The following OR6B1 variants were observed in gnomAD, a reference collection of about 807,000 sequenced individuals.
The protein encoded by OR6B1 is olfactory receptor family 6 subfamily B member 1.
A neutral mutation model predicts 15.4 loss-of-function variants in OR6B1; 15 were observed. That is an observed-to-expected ratio of 0.97 (90% CI 0.65 to 1.50). The LOEUF (loss-of-function observed/expected upper bound fraction) is 1.50, where lower values mean the gene tolerates loss of function less well. Ranked by LOEUF, OR6B1 falls within the 40% of genes most tolerant of loss-of-function variation. The probability of loss-of-function intolerance (pLI) is 0.00; values close to 1 mark genes in which losing one functional copy is unlikely to be tolerated. For synonymous variants in OR6B1, 139 were observed against 144.9 expected, an observed-to-expected ratio of 0.96 and a Z score of 0.29; for missense variants, 384 against 385.0, an observed-to-expected ratio of 1.00 and a Z score of 0.02.
Position 144,004,415 on chromosome 7 carries a change from T to C in OR6B1, c.419T>C (p.Leu140Pro). Residue 140 changes from leucine to proline, a missense_variant, in exon 2 of 2, where the codon CTC (leucine) becomes CCC (proline). Coordinates refer to ENST00000641698, the MANE Select transcript of OR6B1 (RefSeq NM_001005281.3). ...TACCCAACCATAATGAGCCATGGGC[T>C]CTGCTTCCGCCTCGCTCTTGGTTCC... ...LHYPTIMSHG[L>P]CFRLALGSWA... 1.2e-6 allele frequency: 2 copies of C among 1,614,232 alleles called. No individual in the cohort carries two copies. Among genetic ancestry groups the C allele is most frequent in the Non-Finnish European group, 1.7e-6 (2 of 1,180,050 alleles).
At chr7:144,001,937 T>C (rs2050587054) in intron 1 of OR6B1, among the ~76,000 whole-genome samples, 2 of 152,254 alleles carry the variant, frequency 1.3e-5, no homozygotes, top group South Asian at 4.1e-4. Flanking sequence ...GTTATGTGTG[T>C]CTGATTGAAT....
At chr7:144,001,502 C>T (rs1053104341) in intron 1 of OR6B1, among the ~76,000 whole-genome samples, 3 of 152,188 alleles carry the variant, frequency 2.0e-5, no homozygotes, top group Non-Finnish European at 2.9e-5. Flanking sequence ...TGCTTTCTAA[C>T]GGGTCTATGA....
chr7:144,004,946 A>T lies in OR6B1; in HGVS notation c.*14A>T, dbSNP rs1298400489. ...AGATCTGACTAGTCAATTACAGCTG[A>T]TTAGAAAGAAAGGTCTGAGTGGGTG... is the stretch of plus-strand genomic sequence containing the variant. On this transcript the variant is annotated 3_prime_UTR_variant, in exon 2 of 2. Transcript: ENST00000641698. 6.4e-7 allele frequency: 1 copy of T among 1,564,018 alleles called. No individual in the cohort carries two copies. Among genetic ancestry groups the T allele is most frequent in the African/African-American group, 1.4e-5 (1 of 73,480 alleles).
At position 144,005,502 on chromosome 7, in the gene OR6B1, A is replaced by G. The variant is rs2050618408; in HGVS notation, c.*570A>G. 1 of 152,272 alleles carries G rather than the reference A, an allele frequency of 6.6e-6. No individual in the cohort carries two copies. The highest frequency in any genetic ancestry group is 2.1e-4 in the South Asian group (1 of 4,828). The allele number at this position is 152,272 out of a possible 1,614,324, so 9.4% of individuals were successfully genotyped here. ...TCTGTAAGTGAATTGTACCTTACAC[A>G]ATTGTGTTTTGTCTTCTGATATAAC... On this transcript the variant is annotated 3_prime_UTR_variant, in exon 2 of 2. Transcript: ENST00000641698.
In OR6B1 at chr7:144,006,657, T is replaced by C. The variant is rs1389519884; in HGVS notation, c.*1725T>C. The C allele has an allele frequency of 6.6e-6, 1 of 152,202 alleles. No individual in the cohort carries two copies. The highest frequency in any genetic ancestry group is 1.5e-5 in the Non-Finnish European group (1 of 68,040). The allele number at this position is 152,202 out of a possible 1,614,324, so 9.4% of individuals were successfully genotyped here. A position where few individuals can be genotyped will look rare whatever the true frequency, so the allele number is the denominator to read the frequency against. The stretch of plus-strand genomic sequence containing the variant: ...GAATCAAAATATAATTGCATAGTCA[T>C]ATAGGGATATTAAATGTGTGCATTA... On this transcript the variant is annotated 3_prime_UTR_variant, in exon 2 of 2. Transcript: ENST00000641698.
intron 1 of OR6B1, among the ~76,000 whole-genome samples, chr7:144,001,041 G>A (rs538113590): frequency 1.3e-5 from 2 of 152,304 alleles, no homozygotes; most frequent in South Asian, 2.1e-4. Flanking sequence ...CTTGGCAGGG[G>A]CGGAGGTTAA....
intron 1 of OR6B1, among the ~76,000 whole-genome samples, chr7:144,000,978 C>A (rs969539624): frequency 6.6e-6 from 1 of 152,188 alleles, no homozygotes; most frequent in Non-Finnish European, 1.5e-5. Context: ...GCTGCAACCA[C>A]CACATCTTCC....
Position 144,004,894 on chromosome 7 carries a change from A to C in OR6B1, c.898A>C (p.Lys300Gln). ...AAACCGAGAGGTCAAGGAAGCTCTG[A>C]AGAAACTGGCATATTGCCAGGCCAG... ...LRNREVKEAL[K>Q]KLAYCQASRS... The change falls in exon 2 of 2, where the codon AAG becomes CAG. Residue 300 changes from lysine (K) to glutamine (Q), a missense_variant. By Grantham distance (53) the Lys-to-Gln change is moderately conservative. Coordinates refer to ENST00000641698, the MANE Select transcript of OR6B1 (RefSeq NM_001005281.3). 6.2e-7 allele frequency: 1 copy of C among 1,608,880 alleles called. No homozygotes were observed. The highest frequency in any genetic ancestry group is 8.5e-7 in the Non-Finnish European group (1 of 1,179,588).
In OR6B1 at chr7:144,004,156, C is replaced by T. The variant is rs923564337; in HGVS notation, c.160C>T (p.Pro54Ser). The T allele has an allele frequency of 8.7e-6, 14 of 1,614,174 alleles. No individual in the cohort carries two copies. Among genetic ancestry groups the T allele is most frequent in the Non-Finnish European group, 1.2e-5 (14 of 1,180,020 alleles). ...IIILLVLQNR[P>S]LHKPMYFFLA... ...CATCCTATTGGTGCTGCAAAATCGG[C>T]CACTGCACAAGCCTATGTACTTCTT... is the stretch of plus-strand genomic sequence containing the variant. Residue 54 changes from proline to serine, a missense_variant, in exon 2 of 2, where the codon CCA becomes TCA. Pro to Ser is a moderately conservative substitution (Grantham distance 74). Transcript: ENST00000641698.
At chr7:144,003,773 T>TCACACACACACACACACACA (rs766413477) in intron 1 of OR6B1, among the ~76,000 whole-genome samples, 199 bp from the exon 2 acceptor site, 1 of 140,128 alleles carries the variant, frequency 7.1e-6, no homozygotes, top group African/African-American at 2.6e-5. Flanking sequence ...ACAGATACAA[T>TCACACACACACACACACACA]CACACACACA....
intron 1 of OR6B1, among the ~76,000 whole-genome samples, chr7:144,001,884 A>ATCTG (rs1021711556): frequency 2.0e-5 from 3 of 151,988 alleles, no homozygotes; most frequent in Admixed American, 6.6e-5. Context: ...TCCAATCATT[A>ATCTG]TTCTCAGATA....
rs1029901845 is a variant in OR6B1, at chr7:144,000,446, T to G, written c.-230T>G. The G allele has an allele frequency of 6.6e-6, 1 of 152,628 alleles. No homozygotes were observed. Among genetic ancestry groups the G allele is most frequent in the Non-Finnish European group, 1.5e-5 (1 of 68,050 alleles). 9.5% of individuals were successfully genotyped at this position (152,628 alleles called of 1,614,324 possible). A position where few individuals can be genotyped will look rare whatever the true frequency, so the allele number is the denominator to read the frequency against. On this transcript the variant is annotated 5_prime_UTR_variant, in exon 1 of 2. Coordinates refer to ENST00000641698, the MANE Select transcript of OR6B1 (RefSeq NM_001005281.3). ...ACATCAGATGCAGATGTGGTCCTAG[T>G]GCCTAGGGCTCTCCTGTCATCTTAT...
At chr7:144,003,589 G>A (rs1049198570) in intron 1 of OR6B1, among the ~76,000 whole-genome samples, 12 of 152,158 alleles carry the variant, frequency 7.9e-5, no homozygotes, top group African/African-American at 2.9e-4. Context: ...TGGAGAGACA[G>A]GAAGGTCAGG....
rs1259452721 is a variant in OR6B1 at position 144,004,538 on chromosome 7, T to A, written c.542T>A (p.Ile181Asn). 6.2e-7 allele frequency: 1 copy of A among 1,614,080 alleles called. No individual in the cohort carries two copies. Among genetic ancestry groups the A allele is most frequent in the Admixed American group, 1.7e-5 (1 of 59,996 alleles). ...GTCATCAACCACTTCTTCTGTGACA[T>A]CTCTCCAGTACTTAATCTCTCCTGC... ...PNVINHFFCD[I>N]SPVLNLSCTD... is the part of the protein sequence containing the mutation. Residue 181 changes from isoleucine to asparagine, a missense_variant, in exon 2 of 2, where the codon ATC (isoleucine) becomes AAC (asparagine). Transcript: ENST00000641698.
At position 144,005,771 on chromosome 7, in the gene OR6B1, C is replaced by G. The variant is rs2050620401; in HGVS notation, c.*839C>G. 1 of 152,012 alleles carries G rather than the reference C, an allele frequency of 6.6e-6. No individual in the cohort carries two copies. The highest frequency in any genetic ancestry group is 3.2e-3 in the Middle Eastern group (1 of 316). 9.4% of individuals were successfully genotyped at this position (152,012 alleles called of 1,614,324 possible). On this transcript the variant is annotated 3_prime_UTR_variant, in exon 2 of 2. Transcript: ENST00000641698. The stretch of plus-strand genomic sequence containing the variant: ...TTTTCCACTTTCTCCACACTCAACT[C>G]AGAGATAAGTAACAGGTTTCAGGAA...
rs1249288157 is a variant in OR6B1, at chr7:144,007,976, A to T, written c.*3044A>T. On this transcript the variant is annotated 3_prime_UTR_variant, in exon 2 of 2. Transcript: ENST00000641698. Reference sequence around the variant, plus strand: ...ATAGAGATTGGAGTTCTGCATCCACAAGCCAAGAAATACCTTGGGCCACCA... The same window carrying T: ...ATAGAGATTGGAGTTCTGCATCCACTAGCCAAGAAATACCTTGGGCCACCA... 1 of 152,226 alleles carries T rather than the reference A, an allele frequency of 6.6e-6. No homozygotes were observed. Among genetic ancestry groups the T allele is most frequent in the Admixed American group, 6.5e-5 (1 of 15,278 alleles). The allele number at this position is 152,226 out of a possible 1,614,324, so 9.4% of individuals were successfully genotyped here. A position where few individuals can be genotyped will look rare whatever the true frequency, so the allele number is the denominator to read the frequency against.
chr7:144,001,013 T>G (rs2050582102), intron 1 of OR6B1, among the ~76,000 whole-genome samples: 1 of 152,180 alleles, frequency 6.6e-6, no homozygotes, highest in African/African-American at 2.4e-5. Context: ...TGGTGGTGGC[T>G]ACAAAAACTG....
Position 144,003,976 on chromosome 7 carries a change from G to A in OR6B1, c.-21G>A. ...CAAATGATTTTTCCTCCCCAGGAGA[G>A]CTAAGCCCTGTGTCTCCAATATGGA... On this transcript the variant is annotated 5_prime_UTR_variant, in exon 2 of 2. Coordinates refer to ENST00000641698, the MANE Select transcript of OR6B1 (RefSeq NM_001005281.3). 6 of 1,566,608 alleles carry A rather than the reference G, an allele frequency of 3.8e-6. No homozygotes were observed. The highest frequency in any genetic ancestry group is 5.2e-6 in the Non-Finnish European group (6 of 1,147,584).
At position 144,000,648 on chromosome 7, in the gene OR6B1, A is replaced by G. The variant is rs533754263; in HGVS notation, c.-28A>G. 1.3e-5 allele frequency: 2 copies of G among 152,660 alleles called. No individual in the cohort carries two copies. Among genetic ancestry groups the G allele is most frequent in the Non-Finnish European group, 2.9e-5 (2 of 68,042 alleles). The allele number at this position is 152,660 out of a possible 1,614,324, so 9.5% of individuals were successfully genotyped here. A position where few individuals can be genotyped will look rare whatever the true frequency, so the allele number is the denominator to read the frequency against. ...TCATCCTATCAGAGGCTGCTGTGCC[A>G]AGGTAAGTGCTCCCTCTCAGAGCAT... On this transcript the variant is annotated splice_region_variant and 5_prime_UTR_variant, in exon 1 of 2. Coordinates refer to ENST00000641698, the MANE Select transcript of OR6B1 (RefSeq NM_001005281.3).
Sources: allele counts gnomAD v4.1 joint callset (sites outside exome capture counted in the v4.1 genomes callset), GRCh38; gene constraint gnomAD v4.1.1; transcripts MANE v1.5; gene names NCBI Gene and HGNC (gene_info 2026-07-23, HGNC 2026-07-21).